Variants in HS3ST5 observed in about 807,000 individuals in gnomAD.
The protein encoded by HS3ST5 is heparan sulfate-glucosamine 3-sulfotransferase 5.
A neutral mutation model predicts 25.4 loss-of-function variants in HS3ST5; 10 were observed. That is an observed-to-expected ratio of 0.39 (90% CI 0.24 to 0.67). HS3ST5 has a LOEUF of 0.67. Ranked by LOEUF, HS3ST5 falls within the 30% of genes least tolerant of loss-of-function variation. The pLI is 0.44. For synonymous variants in HS3ST5, 170 were observed against 162.4 expected (o/e 1.05, Z -0.36); for missense variants, 324 against 420.7 (o/e 0.77, Z 2.01).
intron 3 of HS3ST5, among the ~76,000 whole-genome samples, chr6:114,154,376 G>A (rs1220350807): frequency 6.6e-6 from 1 of 152,152 alleles, no homozygotes; most frequent in Non-Finnish European, 1.5e-5. Flanking sequence ...TTTGGATTGA[G>A]ACTGAGTGTG....
At chr6:114,099,718 AG>A (rs903689196) in intron 3 of HS3ST5, among the ~76,000 whole-genome samples, 11 of 152,108 alleles carry the variant, frequency 7.2e-5, no homozygotes, top group Admixed American at 5.2e-4. Flanking sequence ...ATATATTGCT[AG>A]GTGATGACCC....
chr6:114,127,940 A>G (rs976879835), intron 3 of HS3ST5, among the ~76,000 whole-genome samples: 1 of 150,416 alleles, frequency 6.6e-6, no homozygotes, highest in Admixed American at 6.6e-5. Flanking sequence ...AGAAATTTAT[A>G]TATATATAAA....
At chr6:114,275,379 T>C (rs1773806949) in intron 1 of HS3ST5, among the ~76,000 whole-genome samples, 1 of 152,080 alleles carries the variant, frequency 6.6e-6, no homozygotes. Flanking sequence ...TCTTTAGTGC[T>C]TCACACAGTG....
intron 3 of HS3ST5, among the ~76,000 whole-genome samples, chr6:114,096,488 T>TG (rs1344622900): frequency 6.6e-6 from 1 of 152,140 alleles, no homozygotes; most frequent in Non-Finnish European, 1.5e-5. Flanking sequence ...CTGAGATGAC[T>TG]GGAAAGGTTA....
intron 3 of HS3ST5, among the ~76,000 whole-genome samples, chr6:114,063,174 TTGTGTGTG>T (rs942352703): frequency 6.6e-6 from 1 of 151,508 alleles, no homozygotes; most frequent in African/African-American, 2.4e-5. Flanking sequence ...TATAGTGTGT[TTGTGTGTG>T]TGTGTGTATA....
Position 114,078,304 on chromosome 6 carries a change from T to C in HS3ST5, c.-32-15427A>G, listed in dbSNP as rs111951932. Among the ~76,000 whole-genome samples the C allele has an allele frequency of 1.8e-3, 274 of 152,228 alleles. 10 individuals are homozygous for C. The highest frequency in any genetic ancestry group is 6.3e-3 in the African/African-American group (261 of 41,530). ...TCACTGCAACCTCTGCCTCCCAGGT[T>C]CAAGCAATTCTCCTGCCTCAGCCTC... On this transcript the variant is annotated intron_variant, in intron 3 of 4. Transcript: ENST00000312719.
At chr6:114,205,279 A>G (rs911100551) in intron 2 of HS3ST5, among the ~76,000 whole-genome samples, 1 of 152,136 alleles carries the variant, frequency 6.6e-6, no homozygotes, top group Non-Finnish European at 1.5e-5. Context: ...CCAGCCTATT[A>G]GGTATAATTA....
At position 114,057,011 on chromosome 6, in the gene HS3ST5, A is replaced by G. The variant is rs1475058368; in HGVS notation, c.*246T>C. 2.6e-6 allele frequency: 1 copy of G among 386,668 alleles called. No homozygotes were observed. The highest frequency in any genetic ancestry group is 2.0e-5 in the African/African-American group (1 of 48,852). 24.0% of individuals were successfully genotyped at this position (386,668 alleles called of 1,614,324 possible). A position where few individuals can be genotyped will look rare whatever the true frequency, so the allele number is the denominator to read the frequency against. ...GAATAGCTGAAGTCACTTTCCCCCA[A>G]TACCACCACCTCTTCTCTTTTGTAA... On this transcript the variant is annotated 3_prime_UTR_variant, in exon 5 of 5. Transcript: ENST00000312719.
intron 3 of HS3ST5, among the ~76,000 whole-genome samples, chr6:114,153,186 TC>T (rs1425280359): frequency 6.6e-6 from 1 of 152,146 alleles, no homozygotes; most frequent in East Asian, 1.9e-4. Context: ...CTGGGCTCTG[TC>T]TCCTGGTTTA....
At chr6:114,085,306 T>C (rs1284956061) in intron 3 of HS3ST5, among the ~76,000 whole-genome samples, 1 of 152,144 alleles carries the variant, frequency 6.6e-6, no homozygotes, top group Non-Finnish European at 1.5e-5. Flanking sequence ...GTTATACATT[T>C]TTTTCTACTA....
rs540142260 is a variant in HS3ST5, at chr6:114,223,318, A to G, written c.-145+5267T>C. Among the ~76,000 whole-genome samples the G allele has an allele frequency of 6.6e-5, 10 of 151,912 alleles. 1 individual carries two copies. The East Asian group carries it at 1.9e-3, about 29-fold the overall frequency. On this transcript the variant is annotated intron_variant, in intron 2 of 4. Transcript: ENST00000312719. ...AAATGGGTATTACATTAGAAAGGCA[A>G]TTCAACTGTATTCCATTTCACTAGT...
At chr6:114,256,936 G>T (rs1230628058) in intron 1 of HS3ST5, among the ~76,000 whole-genome samples, 1 of 152,194 alleles carries the variant, frequency 6.6e-6, no homozygotes. Flanking sequence ...GTTTCACATG[G>T]CTGGGGAGGC....
intron 3 of HS3ST5, among the ~76,000 whole-genome samples, chr6:114,064,048 A>G (rs1773307490): frequency 6.6e-6 from 1 of 151,764 alleles, no homozygotes; most frequent in Admixed American, 6.6e-5. Context: ...AGCCTTTCTT[A>G]TTAAAAATAA....
intron 3 of HS3ST5, among the ~76,000 whole-genome samples, chr6:114,157,492 G>T (rs1437525617): frequency 6.6e-6 from 1 of 152,178 alleles, no homozygotes; most frequent in Non-Finnish European, 1.5e-5. Context: ...GGAGAAATAA[G>T]TTTGGGAGAT....
chr6:114,084,623 G>C, intron 3 of HS3ST5: 1 of 803,728 alleles, frequency 1.2e-6, no homozygotes. Context: ...AGCAATGCTA[G>C]GTAGGTTAAC....
At chr6:114,279,538 A>G (rs902974985) in intron 1 of HS3ST5, among the ~76,000 whole-genome samples, 8 of 152,070 alleles carry the variant, frequency 5.3e-5, no homozygotes, top group Admixed American at 5.2e-4. Flanking sequence ...TGAGATCTAA[A>G]TGATAAAAAT....
chr6:114,089,282 C>T (rs1282264899), intron 3 of HS3ST5, among the ~76,000 whole-genome samples: 1 of 152,196 alleles, frequency 6.6e-6, no homozygotes, highest in Admixed American at 6.5e-5. Context: ...GGCATCTAGG[C>T]ATATGTGGAT....
chr6:114,255,647 G>C (rs1004002322), intron 1 of HS3ST5, among the ~76,000 whole-genome samples: 2 of 152,192 alleles, frequency 1.3e-5, no homozygotes, highest in African/African-American at 2.4e-5. Flanking sequence ...AATCTAGGCA[G>C]AGATTCCCAA....
chr6:114,071,967 T>C (rs1296143752), intron 3 of HS3ST5, among the ~76,000 whole-genome samples: 1 of 152,148 alleles, frequency 6.6e-6, no homozygotes, highest in African/African-American at 2.4e-5. Flanking sequence ...GTGATAGAAG[T>C]GGGGCAGTGG....
Sources: allele counts gnomAD v4.1 joint callset (sites outside exome capture counted in the v4.1 genomes callset), GRCh38; gene constraint gnomAD v4.1.1; transcripts MANE v1.5; gene names NCBI Gene and HGNC (gene_info 2026-07-23, HGNC 2026-07-21).